Variants in HELZ observed in about 807,000 individuals in gnomAD.
The protein encoded by HELZ is ATP-dependent RNA helicase with zinc finger domain.
A neutral mutation model predicts 218.2 loss-of-function variants in HELZ; 23 were observed. The observed-to-expected ratio is 0.11, with a 90% CI of 0.08 to 0.15. The LOEUF is 0.15. Among genes scored for constraint, HELZ ranks in the 10% least tolerant of loss-of-function variants. The pLI is 1.00. For synonymous variants in HELZ, 814 were observed against 829.4 expected, an observed-to-expected ratio of 0.98 and a Z score of 0.32; for missense variants, 1,813 against 2,353.7, an observed-to-expected ratio of 0.77 and a Z score of 4.75.
rs1285396627 is a variant in HELZ at position 67,071,436 on chromosome 17, T to C, written c.*6816A>G. 1 of 152,176 alleles carries C rather than the reference T, an allele frequency of 6.6e-6. No homozygotes were observed. Among genetic ancestry groups the C allele is most frequent in the Non-Finnish European group, 1.5e-5 (1 of 68,016 alleles). 9.4% of individuals were successfully genotyped at this position (152,176 alleles called of 1,614,324 possible). On this transcript the variant is annotated 3_prime_UTR_variant, in exon 33 of 33. Coordinates refer to ENST00000358691, the MANE Select transcript of HELZ (RefSeq NM_014877.4). Reference sequence around the variant, plus strand: ...CATAAAGGAACCCAGGCTGAAAATATAAACAATCCTCTCCAAAGGTGAGCA... The same window carrying C: ...CATAAAGGAACCCAGGCTGAAAATACAAACAATCCTCTCCAAAGGTGAGCA...
At chr17:67,211,825 C>T (rs911609427) in intron 5 of HELZ, among the ~76,000 whole-genome samples, 2 of 151,986 alleles carry the variant, frequency 1.3e-5, no homozygotes, top group Non-Finnish European at 2.9e-5. Context: ...TACGCCACTG[C>T]ACTCCAGCCT....
intron 12 of HELZ, among the ~76,000 whole-genome samples, chr17:67,185,475 A>G (rs2039729348): frequency 6.6e-6 from 1 of 152,202 alleles, no homozygotes; most frequent in Non-Finnish European, 1.5e-5. Flanking sequence ...AAATGGTAAG[A>G]TATTCAATGA....
At chr17:67,154,797 A>G (rs890613006) in intron 17 of HELZ, among the ~76,000 whole-genome samples, 5 of 152,236 alleles carry the variant, frequency 3.3e-5, no homozygotes, top group African/African-American at 9.6e-5. Context: ...TGGCAGAAGA[A>G]TTATAACCTC....
At chr17:67,137,832 A>T in intron 22 of HELZ, 99 bp downstream of exon 22, 2 of 886,084 alleles carry the variant, frequency 2.3e-6, no homozygotes, top group East Asian at 5.4e-5. Flanking sequence ...AAATGAACAC[A>T]TAACTTCAGA....
At chr17:67,087,885 A>C (rs2036442430) in intron 31 of HELZ, among the ~76,000 whole-genome samples, 1 of 152,206 alleles carries the variant, frequency 6.6e-6, no homozygotes, top group African/African-American at 2.4e-5. Flanking sequence ...ACTTGTGATC[A>C]ATATTCAGAG....
chr17:67,222,218 C>T (rs1166497560), intron 3 of HELZ, among the ~76,000 whole-genome samples: 1 of 152,190 alleles, frequency 6.6e-6, no homozygotes, highest in Non-Finnish European at 1.5e-5. Context: ...TATGTAATTA[C>T]TTTACCTACT....
Position 67,193,039 on chromosome 17 carries a change from T to C in HELZ, c.557+928A>G, listed in dbSNP as rs112066447. On this transcript the variant is annotated intron_variant, in intron 9 of 32. Transcript: ENST00000358691. ...CTTCAATCACCACAACCTAAGTAAA[T>C]TTCACATTAACAAATGGCCATGGCC... Among the ~76,000 whole-genome samples the C allele has an allele frequency of 6.6e-3, 1,005 of 152,156 alleles. 10 individuals carry two copies. The highest frequency in any genetic ancestry group is 0.023 in the African/African-American group (959 of 41,542).
At chr17:67,179,122 A>G (rs2039537738) in intron 12 of HELZ, among the ~76,000 whole-genome samples, 196 bp from the exon 13 acceptor site, 1 of 152,110 alleles carries the variant, frequency 6.6e-6, no homozygotes. Context: ...ACAAAATAAC[A>G]TTAGTATAAA....
intron 21 of HELZ, among the ~76,000 whole-genome samples, chr17:67,144,039 A>G (rs985542238): frequency 6.6e-6 from 1 of 152,146 alleles, no homozygotes; most frequent in Non-Finnish European, 1.5e-5. Flanking sequence ...GAATCTTTAT[A>G]AAAGATATCA....
rs1475367865 is a variant in HELZ, at chr17:67,190,298, C to T, written c.615G>A (p.Gln205=). 4 of 1,614,074 alleles carry T rather than the reference C, an allele frequency of 2.5e-6. No homozygotes were observed. The Admixed American group carries it at 6.7e-5, about 27-fold the overall frequency. The change falls in exon 10 of 33, where the codon CAG becomes CAA. Residue 205 remains glutamine (Q), a synonymous_variant. Transcript: ENST00000358691. ...TTTTCTGCCATTCTGCTAGTTCTTC[C>T]TGGGAATGTGCTGAAGTACACTGGG... is the stretch of plus-strand genomic sequence containing the variant. The part of the protein sequence containing the change: ...YGAQCTSAHS[Q]EELAEWQKRY...
intron 3 of HELZ, among the ~76,000 whole-genome samples, chr17:67,223,720 C>G (rs2040813573): frequency 6.6e-6 from 1 of 152,134 alleles, no homozygotes; most frequent in Non-Finnish European, 1.5e-5. Context: ...CCATTGCACT[C>G]CAGCCTGGGC....
At position 67,120,032 on chromosome 17, in the gene HELZ, C is replaced by T. The variant is rs185699136; in HGVS notation, c.3838+373G>A. 167 of 215,972 alleles carry T rather than the reference C, an allele frequency of 7.7e-4. 1 individual carries two copies. The East Asian group carries it at 0.036, about 47-fold the overall frequency. The allele number at this position is 215,972 out of a possible 1,614,324, so 13.4% of individuals were successfully genotyped here. A position where few individuals can be genotyped will look rare whatever the true frequency, so the allele number is the denominator to read the frequency against. On this transcript the variant is annotated intron_variant, in intron 27 of 32. Transcript: ENST00000358691. ...TTTTTTTTTTTTTTTGAGATGGAGT[C>T]TCACTCTATCGCCCAGGCTGGAGTA...
intron 27 of HELZ, 86 bp from the exon 28 acceptor site, chr17:67,114,489 G>A: frequency 1.2e-6 from 1 of 803,676 alleles, no homozygotes; most frequent in Non-Finnish European, 2.1e-6. Context: ...GAAAGAGGCA[G>A]AATACTTTAA....
intron 5 of HELZ, among the ~76,000 whole-genome samples, chr17:67,205,030 C>T (rs2040259931): frequency 6.6e-6 from 1 of 151,974 alleles, no homozygotes; most frequent in African/African-American, 2.4e-5. Context: ...TGAAACAATA[C>T]AAGTAAAATG....
In HELZ at chr17:67,122,519, C is replaced by A. The variant is rs7224303; in HGVS notation, c.3630+451G>T. Among the ~76,000 whole-genome samples, 561 of 151,494 alleles carry A rather than the reference C, an allele frequency of 3.7e-3. 2 individuals are homozygous for A. Among genetic ancestry groups the A allele is most frequent in the African/African-American group, 0.013 (538 of 41,208 alleles). ...CAAGATCACGCCACAGCACTCCAGC[C>A]GGGGCAACAGAGTGAGACCCCGTCT... On this transcript the variant is annotated intron_variant, in intron 26 of 32. Transcript: ENST00000358691.
chr17:67,197,426 T>C (rs1331134684), intron 7 of HELZ, among the ~76,000 whole-genome samples: 3 of 152,188 alleles, frequency 2.0e-5, no homozygotes, highest in Non-Finnish European at 4.4e-5. Context: ...CCCTATCCTT[T>C]AAACTCAGTT....
chr17:67,136,233 T>A, intron 22 of HELZ, 35 bp from the exon 23 acceptor site: 1 of 1,378,098 alleles, frequency 7.3e-7, no homozygotes, highest in Non-Finnish European at 1.0e-6. Context: ...AGACTTAAGA[T>A]TGTCATTCTG....
chr17:67,227,271 C>A (rs2040919499), intron 3 of HELZ, among the ~76,000 whole-genome samples: 1 of 151,622 alleles, frequency 6.6e-6, no homozygotes, highest in Non-Finnish European at 1.5e-5. Context: ...CAGCTCACTG[C>A]AACCTCCACC....
intron 2 of HELZ, among the ~76,000 whole-genome samples, chr17:67,241,342 T>C (rs1186907270): frequency 6.6e-6 from 1 of 152,222 alleles, no homozygotes; most frequent in East Asian, 1.9e-4. Flanking sequence ...AAGGTCCTTA[T>C]TTCTTGTATG....
Sources: allele counts gnomAD v4.1 joint callset (sites outside exome capture counted in the v4.1 genomes callset), GRCh38; gene constraint gnomAD v4.1.1; transcripts MANE v1.5; gene names NCBI Gene and HGNC (gene_info 2026-07-23, HGNC 2026-07-21).